The following KLF8 variants were observed in gnomAD, a reference collection of about 807,000 sequenced individuals.
KLF8 encodes the protein Krueppel-like factor 8.
Under a neutral mutation model 18.2 loss-of-function variants are expected in KLF8, and 10 were observed. That is an observed-to-expected ratio of 0.55 (90% confidence interval 0.34 to 0.93). KLF8 has a LOEUF of 0.93. KLF8 is among the 40% of genes least tolerant of loss of function. The pLI is 0.02. For synonymous variants in KLF8, 109 were observed against 97.3 expected (o/e 1.12, Z -0.71); for missense variants, 264 against 277.9 (o/e 0.95, Z 0.36).
the KLF8 span, among the ~76,000 whole-genome samples, chrX:56,108,946 A>G: frequency 8.9e-6 from 1 of 111,836 alleles, no homozygotes; most frequent in African/African-American, 3.2e-5. Flanking sequence ...TCTTAAACCA[A>G]TTGGCTGTTT....
chrX:56,195,314 A>T, the KLF8 span, among the ~76,000 whole-genome samples: 1 of 111,820 alleles, frequency 8.9e-6, no homozygotes, highest in African/African-American at 3.3e-5. Flanking sequence ...CAAACTCATC[A>T]CAAGGAAGCT....
chrX:56,129,703 G>T, the KLF8 span, among the ~76,000 whole-genome samples: 2 of 110,186 alleles, frequency 1.8e-5, no homozygotes, highest in Non-Finnish European at 3.8e-5. Flanking sequence ...AATCCAGTGC[G>T]CAGACTCAAC....
chrX:56,096,266 G>A, the KLF8 span, among the ~76,000 whole-genome samples: 1 of 110,898 alleles, frequency 9.0e-6, no homozygotes, highest in African/African-American at 3.3e-5. Flanking sequence ...CATAAAGAGT[G>A]GAATAACAGA....
chrX:56,215,942 T>C, the KLF8 span, among the ~76,000 whole-genome samples: 3 of 104,066 alleles, frequency 2.9e-5, no homozygotes, highest in African/African-American at 1.1e-4. Context: ...TAAACTCAAG[T>C]CATCCAAAAC....
At chrX:55,936,561 G>A in the KLF8 span, among the ~76,000 whole-genome samples, 1 of 112,996 alleles carries the variant, frequency 8.8e-6, no homozygotes, top group Admixed American at 9.3e-5. Flanking sequence ...CCGTGTGTGA[G>A]CCAAAGCAGG....
At chrX:56,151,876 C>A in the KLF8 span, among the ~76,000 whole-genome samples, 2 of 111,722 alleles carry the variant, frequency 1.8e-5, no homozygotes, top group South Asian at 7.5e-4. Context: ...AGCCATAACA[C>A]ACCCTGGCAT....
At chrX:56,116,562 TC>T in the KLF8 span, among the ~76,000 whole-genome samples, 1 of 106,391 alleles carries the variant, frequency 9.4e-6, no homozygotes, top group East Asian at 3.0e-4. Context: ...TGGGATTTTT[TC>T]CCCCAGCTTT....
chrX:56,155,051 T>C, the KLF8 span, among the ~76,000 whole-genome samples: 1 of 111,952 alleles, frequency 8.9e-6, no homozygotes, highest in South Asian at 3.7e-4. Context: ...GTGTGGGGAT[T>C]CCTCAGGGAT....
At chrX:56,176,510 A>C in the KLF8 span, among the ~76,000 whole-genome samples, 1 of 111,427 alleles carries the variant, frequency 9.0e-6, no homozygotes, top group Non-Finnish European at 1.9e-5. Flanking sequence ...GGGTAACCCG[A>C]CCTTTCTCTC....
At chrX:56,183,104 G>A in the KLF8 span, among the ~76,000 whole-genome samples, 2 of 112,203 alleles carry the variant, frequency 1.8e-5, no homozygotes, top group African/African-American at 6.5e-5. Flanking sequence ...TCCTTGAGCT[G>A]CGGTGGGCTC....
the KLF8 span, among the ~76,000 whole-genome samples, chrX:56,101,058 T>C: frequency 9.0e-6 from 1 of 111,406 alleles, no homozygotes; most frequent in African/African-American, 3.3e-5. Flanking sequence ...ATATGGATGA[T>C]TCTGTCACCC....
chrX:56,049,651 C>T, the KLF8 span, among the ~76,000 whole-genome samples: 1 of 102,533 alleles, frequency 9.8e-6, no homozygotes, highest in Non-Finnish European at 2.0e-5. Flanking sequence ...TTTTGATGTG[C>T]TGCTGGATTC....
chrX:56,021,209 T>A, the KLF8 span, among the ~76,000 whole-genome samples: 1 of 112,215 alleles, frequency 8.9e-6, no homozygotes, highest in African/African-American at 3.2e-5. Context: ...TGATATCTAT[T>A]TATTTGTATG....
chrX:56,196,010 T>A, the KLF8 span, among the ~76,000 whole-genome samples: 5 of 111,073 alleles, frequency 4.5e-5, no homozygotes, highest in South Asian at 1.9e-3. Context: ...AGAAATAAAA[T>A]TTTTTACAGA....
intron 5 of KLF8, among the ~76,000 whole-genome samples, chrX:56,283,427 A>G (rs1028698078): frequency 5.4e-5 from 6 of 111,581 alleles, no homozygotes; most frequent in Admixed American, 9.5e-5. Context: ...GCTGGAGTGC[A>G]GTGGCGCAAT....
the KLF8 span, among the ~76,000 whole-genome samples, chrX:56,056,219 T>C: frequency 9.0e-6 from 1 of 110,977 alleles, no homozygotes; most frequent in Non-Finnish European, 1.9e-5. Context: ...TTAAAATTTT[T>C]GGTCTAAGTT....
the KLF8 span, among the ~76,000 whole-genome samples, chrX:56,156,198 T>C: frequency 1.9e-3 from 214 of 112,569 alleles, 2 homozygotes; most frequent in African/African-American, 6.6e-3. Context: ...TCTTCTTTGA[T>C]GTTATATCAA....
chrX:56,027,502 A>G, the KLF8 span, among the ~76,000 whole-genome samples: 10 of 112,317 alleles, frequency 8.9e-5, no homozygotes, highest in Non-Finnish European at 1.5e-4. Flanking sequence ...GCATATCGAG[A>G]GTCAGTATAA....
chrX:56,121,503 C>T, the KLF8 span, among the ~76,000 whole-genome samples: 5 of 112,439 alleles, frequency 4.4e-5, no homozygotes, highest in East Asian at 1.4e-3. Context: ...GTAATTTTAT[C>T]AGACTGCCCT....
Sources: gnomAD v4.1 joint callset for allele counts (sites outside exome capture counted in the v4.1 genomes callset) on GRCh38, gnomAD v4.1.1 for gene constraint, MANE v1.5 for transcripts, NCBI Gene and HGNC (gene_info 2026-07-23, HGNC 2026-07-21) for gene names.